The following ECHDC3 variants were observed in gnomAD, a reference collection of about 807,000 sequenced individuals.
ECHDC3 encodes the protein enoyl-CoA hydratase domain containing 3.
ECHDC3 carries 20 observed loss-of-function variants against 17.9 expected under a neutral mutation model. That is an observed-to-expected ratio of 1.12 (90% CI 0.79 to 1.63). The LOEUF (loss-of-function observed/expected upper bound fraction) is 1.63, where lower values mean the gene tolerates loss of function less well. Ranked by LOEUF, ECHDC3 falls within the 40% of genes most tolerant of loss-of-function variation. The pLI, the probability that ECHDC3 is intolerant of heterozygous loss-of-function variation, is 0.00. For missense variants in ECHDC3, 407 were observed against 357.7 expected (o/e 1.14, Z -1.11); for synonymous variants, 177 against 149.7 (o/e 1.18, Z -1.33).
At position 11,742,637 on chromosome 10, in the gene ECHDC3, G is replaced by A; in HGVS notation, c.61G>A (p.Gly21Ser). 7.9e-7 allele frequency: 1 copy of A among 1,262,564 alleles called. No homozygotes were observed. Among genetic ancestry groups the A allele is most frequent in the Admixed American group, 4.1e-5 (1 of 24,132 alleles). 78.2% of individuals were successfully genotyped at this position (1,262,564 alleles called of 1,614,324 possible). A position where few individuals can be genotyped will look rare whatever the true frequency, so the allele number is the denominator to read the frequency against. ...AAGTGGGCCCATGTGTCTCCGGCGC[G>A]GCCCCTGGGCCCAGCTCCCCGCCCG... is the stretch of plus-strand genomic sequence containing the variant. Reference protein sequence around the residue: ...GASGPMCLRRGPWAQLPARFC... With the variant: ...GASGPMCLRRSPWAQLPARFC... Residue 21 changes from glycine to serine, a missense_variant, in exon 1 of 5, where the codon GGC becomes AGC. Transcript: ENST00000379215.
intron 3 of ECHDC3, among the ~76,000 whole-genome samples, chr10:11,751,383 T>C (rs1342369980): frequency 6.6e-6 from 1 of 152,164 alleles, no homozygotes; most frequent in African/African-American, 2.4e-5. Flanking sequence ...AGTAGTAAAA[T>C]AGGACTGAAA....
chr10:11,763,464 C>T lies in ECHDC3; in HGVS notation c.832C>T (p.Leu278=), dbSNP rs1416405480. Reference sequence around the variant, plus strand: ...CACCTCCCAGGCCATGGTGGACAACCTGGCCCTGCGGGACGGGCAGGAGGG... The same window carrying T: ...CACCTCCCAGGCCATGGTGGACAACTTGGCCCTGCGGGACGGGCAGGAGGG... ...YLTSQAMVDN[L]ALRDGQEGIT... The change falls in exon 5 of 5, where the codon CTG becomes TTG. Residue 278 remains leucine, a synonymous_variant. Transcript: ENST00000379215. The surrounding 1 kb of genome is among the most constrained non-coding windows in gnomAD (Gnocchi z 4.9). 3.0e-6 allele frequency: 3 copies of T among 993,968 alleles called. No homozygotes were observed. Among genetic ancestry groups the T allele is most frequent in the East Asian group, 4.7e-5 (2 of 42,144 alleles). The allele number at this position is 993,968 out of a possible 1,614,324, so 61.6% of individuals were successfully genotyped here.
rs1019044623 is a variant in ECHDC3 at position 11,760,627 on chromosome 10, A to G, written c.592-2597A>G. On this transcript the variant is annotated intron_variant, in intron 4 of 4. Coordinates refer to ENST00000379215, the MANE Select transcript of ECHDC3 (RefSeq NM_024693.5). ...TTGCATCAGTTTTTCAGGCTTGGCC[A>G]CTTTCTGACATTTGGTCCCTCTGAG... Among the ~76,000 whole-genome samples the G allele has an allele frequency of 1.7e-4, 26 of 152,248 alleles. No homozygotes were observed. The South Asian group carries it at 2.7e-3, about 16-fold the overall frequency.
chr10:11,755,710 C>T, intron 4 of ECHDC3, 102 bp downstream of exon 4: 2 of 1,133,644 alleles, frequency 1.8e-6, no homozygotes, highest in Non-Finnish European at 2.5e-6. Context: ...AAGTGCCTTT[C>T]ATATCAGGAC....
chr10:11,747,682 A>G (rs73580912), intron 2 of ECHDC3, among the ~76,000 whole-genome samples: 3,138 of 152,304 alleles, frequency 0.021, 121 homozygotes, highest in African/African-American at 0.071. Context: ...GTTCAGTGAA[A>G]CTATGTCTTT....
intron 3 of ECHDC3, among the ~76,000 whole-genome samples, chr10:11,753,031 T>C (rs1832844010): frequency 6.6e-6 from 1 of 152,210 alleles, no homozygotes; most frequent in Non-Finnish European, 1.5e-5. Context: ...GCATAGAGCT[T>C]TTTACCTATT....
At chr10:11,756,474 C>T (rs549533003) in intron 4 of ECHDC3, among the ~76,000 whole-genome samples, 5 of 152,140 alleles carry the variant, frequency 3.3e-5, no homozygotes, top group South Asian at 2.1e-4. Flanking sequence ...ATGCCTAAGA[C>T]GCAAAAGAAA....
Position 11,763,883 on chromosome 10 carries a change from G to A in ECHDC3, c.*339G>A, listed in dbSNP as rs1025453535. Reference sequence around the variant, plus strand: ...AACCCATGGAGGCAGAAAGAAGGACGCCAGCCTGACCCTTATCTGAAACGT... The same window carrying A: ...AACCCATGGAGGCAGAAAGAAGGACACCAGCCTGACCCTTATCTGAAACGT... On this transcript the variant is annotated 3_prime_UTR_variant, in exon 5 of 5. Coordinates refer to ENST00000379215, the MANE Select transcript of ECHDC3 (RefSeq NM_024693.5). This position sits in a 1 kb window ranked among gnomAD's most constrained non-coding sequence, Gnocchi z 4.9. 1.0e-5 allele frequency: 11 copies of A among 1,065,540 alleles called. No individual in the cohort carries two copies. Among genetic ancestry groups the A allele is most frequent in the Non-Finnish European group, 1.1e-5 (10 of 881,126 alleles). 66.0% of individuals were successfully genotyped at this position (1,065,540 alleles called of 1,614,324 possible). A position where few individuals can be genotyped will look rare whatever the true frequency, so the allele number is the denominator to read the frequency against.
intron 3 of ECHDC3, among the ~76,000 whole-genome samples, chr10:11,753,675 ACTAG>A (rs1442973152): frequency 6.6e-6 from 1 of 152,144 alleles, no homozygotes; most frequent in African/African-American, 2.4e-5. Context: ...GAGCACTCTC[ACTAG>A]CCCATCCCCA....
intron 4 of ECHDC3, among the ~76,000 whole-genome samples, chr10:11,758,095 C>T (rs150724019): frequency 6.6e-5 from 10 of 152,290 alleles, no homozygotes; most frequent in South Asian, 2.1e-4. Context: ...GTATGGGTCA[C>T]TAGTGCCCTC....
At chr10:11,747,199 G>C in intron 1 of ECHDC3, 150 bp from the exon 2 acceptor site, 2 of 979,182 alleles carry the variant, frequency 2.0e-6, no homozygotes, top group Non-Finnish European at 2.8e-6. Flanking sequence ...TAACTCCAGA[G>C]AGTTGACAGA....
chr10:11,749,571 A>C lies in ECHDC3; in HGVS notation c.369A>C (p.Glu123Asp). The change falls in exon 3 of 5, where the codon GAA becomes GAC. Residue 123 changes from glutamate (E) to aspartate (D), a missense_variant. Coordinates refer to ENST00000379215, the MANE Select transcript of ECHDC3 (RefSeq NM_024693.5). ...AGCAAGGCCGTGATTACCATGCCGA[A>C]GTATTTCAGACCTGTTCCAAGGTAA... Reference protein sequence around the residue: ...TEEQGRDYHAEVFQTCSKVMM... With the variant: ...TEEQGRDYHADVFQTCSKVMM... 1 of 1,614,162 alleles carries C rather than the reference A, an allele frequency of 6.2e-7. No homozygotes were observed. Among genetic ancestry groups the C allele is most frequent in the Non-Finnish European group, 8.5e-7 (1 of 1,180,028 alleles).
chr10:11,762,954 C>T (rs937198784), intron 4 of ECHDC3, among the ~76,000 whole-genome samples: 21 of 152,030 alleles, frequency 1.4e-4, no homozygotes, highest in Non-Finnish European at 1.3e-4. Context: ...AAGAGGTAGA[C>T]GAAATCCCCA....
chr10:11,743,055 G>A (rs917943268), intron 1 of ECHDC3: 26 of 296,214 alleles, frequency 8.8e-5, no homozygotes, highest in Admixed American at 4.7e-4. Flanking sequence ...GGGAAGTGTG[G>A]GCTTGGTCGA....
chr10:11,747,299 A>G, intron 1 of ECHDC3, 50 bp from the exon 2 acceptor site: 1 of 1,601,666 alleles, frequency 6.2e-7, no homozygotes, highest in Non-Finnish European at 8.5e-7. Context: ...AGGGGTCCTC[A>G]CTTGTTTTGA....
chr10:11,745,120 A>G (rs1301274059), intron 1 of ECHDC3, among the ~76,000 whole-genome samples: 1 of 152,148 alleles, frequency 6.6e-6, no homozygotes, highest in Non-Finnish European at 1.5e-5. Context: ...TGGATCTGGA[A>G]ATTAGGAGAT....
intron 4 of ECHDC3, among the ~76,000 whole-genome samples, chr10:11,762,868 G>A (rs912929156): frequency 1.3e-5 from 2 of 151,742 alleles, no homozygotes; most frequent in African/African-American, 2.4e-5. Flanking sequence ...CCCACTCCCC[G>A]CCACCCCACC....
At chr10:11,743,307 G>A (rs1025050718) in intron 1 of ECHDC3, among the ~76,000 whole-genome samples, 14 of 152,236 alleles carry the variant, frequency 9.2e-5, no homozygotes, top group African/African-American at 3.1e-4. Context: ...CCTGCGTACC[G>A]TGTTTCAGCA....
chr10:11,757,934 G>T (rs1365775270), intron 4 of ECHDC3, among the ~76,000 whole-genome samples: 3 of 152,188 alleles, frequency 2.0e-5, no homozygotes, highest in Non-Finnish European at 4.4e-5. Context: ...GTGCGCATGT[G>T]AACCCATCCA....
Sources: allele counts gnomAD v4.1 joint callset (sites outside exome capture counted in the v4.1 genomes callset), GRCh38; gene constraint gnomAD v4.1.1; non-coding constraint Gnocchi (gnomAD v3.1); transcripts MANE v1.5; gene names NCBI Gene and HGNC (gene_info 2026-07-23, HGNC 2026-07-21).